SDK1: variants seen among roughly 807,000 people sequenced by gnomAD.
SDK1 encodes the protein protein sidekick-1.
In SDK1, 157 loss-of-function variants were observed where a neutral mutation model predicts 245.5. The ratio of observed to expected loss-of-function variants is 0.64; its 90% CI spans 0.56 to 0.73. The LOEUF (loss-of-function observed/expected upper bound fraction) is 0.73, where lower values mean the gene tolerates loss of function less well. Ranked by LOEUF, SDK1 falls within the 30% of genes least tolerant of loss-of-function variation. The probability of loss-of-function intolerance (pLI) is 0.00; values close to 1 mark genes in which losing one functional copy is unlikely to be tolerated. For synonymous variants in SDK1, 1,647 were observed against 1,278.5 expected (o/e 1.29, Z -6.15); for missense variants, 3,583 against 3,002.3 (o/e 1.19, Z -4.52).
chr7:4,115,791 C>A (rs1010868691), intron 25 of SDK1, among the ~76,000 whole-genome samples: 1 of 152,200 alleles, frequency 6.6e-6, no homozygotes, highest in Non-Finnish European at 1.5e-5. Context: ...AAGAGACAGT[C>A]CCCCTGTTGT....
chr7:3,405,884 C>T (rs987522860), intron 1 of SDK1, among the ~76,000 whole-genome samples: 2 of 148,098 alleles, frequency 1.4e-5, no homozygotes, highest in African/African-American at 5.0e-5. Flanking sequence ...ATGTTCTCAG[C>T]TCACTGCAAC....
chr7:3,882,506 A>G (rs1289699989), intron 5 of SDK1, among the ~76,000 whole-genome samples: 1 of 152,182 alleles, frequency 6.6e-6, no homozygotes, highest in Admixed American at 6.5e-5. Context: ...TTGTGTTTGG[A>G]CTCAGTAAAT....
chr7:4,146,068 C>G (rs965356596), intron 29 of SDK1, 152 bp downstream of exon 29: 2 of 660,832 alleles, frequency 3.0e-6, no homozygotes, highest in Non-Finnish European at 5.2e-6. Context: ...ACCCATTGCA[C>G]CTGACATGGA....
chr7:3,338,632 A>C (rs1583704094), intron 1 of SDK1: 1 of 55,244 alleles, frequency 1.8e-5, no homozygotes, highest in Non-Finnish European at 3.3e-5. Context: ...ACAAACAAAC[A>C]AAAAAAAACA....
intron 28 of SDK1, among the ~76,000 whole-genome samples, chr7:4,138,537 A>G (rs1191371041): frequency 1.3e-5 from 2 of 152,104 alleles, no homozygotes; most frequent in Non-Finnish European, 2.9e-5. Flanking sequence ...ACGTGAGGTC[A>G]GGAGTTCGAG....
chr7:3,974,729 T>A, intron 13 of SDK1, 184 bp downstream of exon 13: 1 of 546,194 alleles, frequency 1.8e-6, no homozygotes. Flanking sequence ...TCTTTCAACT[T>A]CGGAATTGAG....
chr7:4,012,053 TG>T, intron 15 of SDK1, 41 bp from the exon 16 acceptor site: 2 of 1,393,936 alleles, frequency 1.4e-6, no homozygotes, highest in Non-Finnish European at 1.9e-6. Flanking sequence ...CCGCTGTTTC[TG>T]GTACTCATCT....
chr7:3,619,657 C>G (rs1781873465), intron 2 of SDK1, among the ~76,000 whole-genome samples: 1 of 152,172 alleles, frequency 6.6e-6, no homozygotes, highest in African/African-American at 2.4e-5. Context: ...AAAGTCTTTC[C>G]TAGCTGTTTT....
At chr7:3,517,435 T>C (rs1202564037) in intron 1 of SDK1, among the ~76,000 whole-genome samples, 5 of 152,212 alleles carry the variant, frequency 3.3e-5, no homozygotes, top group Non-Finnish European at 7.4e-5. Flanking sequence ...ATCATGGTTC[T>C]ACAGAACAGA....
At chr7:3,898,199 T>C (rs1781668712) in intron 5 of SDK1, among the ~76,000 whole-genome samples, 1 of 152,206 alleles carries the variant, frequency 6.6e-6, no homozygotes, top group South Asian at 2.1e-4. Context: ...TGACAGAGGT[T>C]ATTTTTGGTT....
chr7:3,672,760 T>TATATATAC (rs1554307106), intron 4 of SDK1, among the ~76,000 whole-genome samples: 407 of 39,962 alleles, frequency 0.01, 9 homozygotes, highest in African/African-American at 0.042. Context: ...TATATAATTT[T>TATATATAC]ATATATATAT....
At chr7:3,653,241 C>T (rs1186126224) in intron 4 of SDK1, among the ~76,000 whole-genome samples, 1 of 152,176 alleles carries the variant, frequency 6.6e-6, no homozygotes, top group East Asian at 1.9e-4. Context: ...TGAAGTCATC[C>T]TGTGGGTCAC....
At chr7:4,139,731 G>GTA (rs1562873033) in intron 28 of SDK1, among the ~76,000 whole-genome samples, 1 of 141,964 alleles carries the variant, frequency 7.0e-6, no homozygotes, top group African/African-American at 2.7e-5. Flanking sequence ...ATGTGTGTGT[G>GTA]TGTGTATGTG....
chr7:4,134,668 C>T (rs995765221), intron 28 of SDK1: 1 of 152,488 alleles, frequency 6.6e-6, no homozygotes, highest in Non-Finnish European at 1.5e-5. Flanking sequence ...GGCAGGGCCC[C>T]TGGCTCCCAC....
At chr7:3,681,744 A>G (rs1182791450) in intron 4 of SDK1, among the ~76,000 whole-genome samples, 3 of 152,218 alleles carry the variant, frequency 2.0e-5, no homozygotes, top group East Asian at 1.9e-4. Context: ...TTGAATGAAT[A>G]CATTGAATCT....
intron 1 of SDK1, among the ~76,000 whole-genome samples, chr7:3,506,745 C>A (rs1364660986): frequency 6.6e-6 from 1 of 151,824 alleles, no homozygotes; most frequent in African/African-American, 2.4e-5. Context: ...TTAACTATAT[C>A]CAGGGAGTAT....
chr7:4,141,492 C>T (rs1031137010), intron 28 of SDK1, among the ~76,000 whole-genome samples: 1 of 152,196 alleles, frequency 6.6e-6, no homozygotes, highest in Non-Finnish European at 1.5e-5. Flanking sequence ...TGCCCTGCTC[C>T]TGAAAGTAAA....
Position 3,425,131 on chromosome 7 carries a change from T to A in SDK1, c.298+123247T>A, listed in dbSNP as rs1176823146. On this transcript the variant is annotated intron_variant, in intron 1 of 44. Coordinates refer to ENST00000404826, the MANE Select transcript of SDK1 (RefSeq NM_152744.4). ...AGTTGCCAGCTTTTTTTTTTTTTTTTAAGTAGTAGACAAATTGTAAGAACT... is the reference window on the plus strand; with the variant it reads ...AGTTGCCAGCTTTTTTTTTTTTTTTAAAGTAGTAGACAAATTGTAAGAACT... Among the ~76,000 whole-genome samples the A allele has an allele frequency of 4.6e-5, 6 of 129,812 alleles. 1 individual carries two copies. Among genetic ancestry groups the A allele is most frequent in the African/African-American group, 1.5e-4 (5 of 33,194 alleles). The allele number at this position is 129,812 out of a possible 152,430, so 85.2% of individuals were successfully genotyped here. A position where few individuals can be genotyped will look rare whatever the true frequency, so the allele number is the denominator to read the frequency against.
At chr7:3,826,158 C>T (rs1779769388) in intron 5 of SDK1, among the ~76,000 whole-genome samples, 1 of 152,170 alleles carries the variant, frequency 6.6e-6, no homozygotes, top group South Asian at 2.1e-4. Context: ...GGCCATGGTC[C>T]CTAATGCTTT....
Sources: gnomAD v4.1 joint callset for allele counts (sites outside exome capture counted in the v4.1 genomes callset) on GRCh38, gnomAD v4.1.1 for gene constraint, MANE v1.5 for transcripts, NCBI Gene and HGNC (gene_info 2026-07-23, HGNC 2026-07-21) for gene names.